The following CTNNA2 variants were observed in gnomAD, a reference collection of about 807,000 sequenced individuals.
CTNNA2 encodes the protein catenin alpha 2.
CTNNA2 carries 42 observed loss-of-function variants against 101.0 expected under a neutral mutation model. The ratio of observed to expected loss-of-function variants is 0.42; its 90% CI spans 0.32 to 0.54. The LOEUF (loss-of-function observed/expected upper bound fraction) is 0.54. Among genes scored for constraint, CTNNA2 ranks in the 20% least tolerant of loss-of-function variants. The pLI, the probability that CTNNA2 is intolerant of heterozygous loss-of-function variation, is 0.14. For missense variants in CTNNA2, 871 were observed against 1,223.1 expected (o/e 0.71, Z 4.29); for synonymous variants, 450 against 456.4 (o/e 0.99, Z 0.18).
rs552448938 is a variant in CTNNA2, at chr2:79,400,047, A to G, written c.-135+26034A>G. On this transcript the variant is annotated intron_variant, in intron 4 of 21. Coordinates refer to the CTNNA2 transcript ENST00000466387. Reference sequence around the variant, plus strand: ...TATACATTTTAGGGAGATATGAGACATCAATCAATATATGTAAGATGTACA... The same window carrying G: ...TATACATTTTAGGGAGATATGAGACGTCAATCAATATATGTAAGATGTACA... 5.9e-5 allele frequency among the ~76,000 whole-genome samples: 9 copies of G among 152,198 alleles called. No homozygotes were observed. In the East Asian group the frequency reaches 1.7e-3, roughly 29 times the overall value.
At chr2:80,079,092 G>T (rs577112974) in intron 7 of CTNNA2, among the ~76,000 whole-genome samples, 1 of 152,272 alleles carries the variant, frequency 6.6e-6, no homozygotes, top group Admixed American at 6.5e-5. Context: ...CTGGGACGCT[G>T]TGAGATGCTG....
intron 3 of CTNNA2, among the ~76,000 whole-genome samples, chr2:79,760,766 G>T (rs1247203195): frequency 2.0e-5 from 3 of 152,138 alleles, no homozygotes; most frequent in Non-Finnish European, 4.4e-5. Flanking sequence ...TGCATTTATT[G>T]TTTCTAAATT....
chr2:79,644,371 C>T (rs749532236), intron 1 of CTNNA2, among the ~76,000 whole-genome samples: 2 of 152,140 alleles, frequency 1.3e-5, no homozygotes, highest in Admixed American at 6.5e-5. Flanking sequence ...CATGTGATTA[C>T]ATTGGTTCTA....
chr2:80,203,923 C>A (rs1177309573), intron 7 of CTNNA2, among the ~76,000 whole-genome samples: 1 of 152,220 alleles, frequency 6.6e-6, no homozygotes, highest in Non-Finnish European at 1.5e-5. Flanking sequence ...AATCCCAATT[C>A]TTGACTTCTG....
chr2:79,979,236 A>G (rs1055589956), intron 7 of CTNNA2, among the ~76,000 whole-genome samples: 2 of 152,146 alleles, frequency 1.3e-5, no homozygotes, highest in African/African-American at 4.8e-5. Flanking sequence ...TTAAAAAACT[A>G]TCCAGGTGCA....
intron 7 of CTNNA2, among the ~76,000 whole-genome samples, chr2:80,081,209 G>A (rs866254292): frequency 1.3e-5 from 2 of 151,984 alleles, no homozygotes; most frequent in Non-Finnish European, 2.9e-5. Context: ...CTTCAGCTGC[G>A]TTTTTATTTA....
chr2:79,948,774 C>G (rs911092859), intron 7 of CTNNA2, among the ~76,000 whole-genome samples: 4 of 152,102 alleles, frequency 2.6e-5, no homozygotes, highest in African/African-American at 9.7e-5. Flanking sequence ...GGACACCATC[C>G]TGGCTAACAC....
chr2:80,194,495 T>G (rs534336088), intron 7 of CTNNA2, among the ~76,000 whole-genome samples: 29 of 90,786 alleles, frequency 3.2e-4, no homozygotes, highest in South Asian at 3.2e-3. Context: ...GATGTGATAG[T>G]TTTTTTTTTT....
chr2:79,745,201 C>A (rs560127487), intron 3 of CTNNA2, among the ~76,000 whole-genome samples: 1 of 152,034 alleles, frequency 6.6e-6, no homozygotes, highest in African/African-American at 2.4e-5. Context: ...GAGGCCAAGG[C>A]GGGTGGATTG....
intron 1 of CTNNA2, among the ~76,000 whole-genome samples, chr2:79,569,265 C>T (rs1266950035): frequency 6.6e-6 from 1 of 152,030 alleles, no homozygotes; most frequent in Admixed American, 6.6e-5. Flanking sequence ...TAGCTGTTCT[C>T]TCAGGGAGAG....
In CTNNA2 at chr2:80,250,691, C is replaced by T. The variant is rs149681930; in HGVS notation, c.1057-142520C>T. Among the ~76,000 whole-genome samples the T allele has an allele frequency of 2.6e-4, 40 of 152,234 alleles. No individual in the cohort carries two copies. In the East Asian group the frequency reaches 7.6e-3, roughly 29 times the overall value. On this transcript the variant is annotated intron_variant, in intron 7 of 18. Transcript: ENST00000402739. ...GATAATGAGCATGCAGGACACAGGGCTGTGGCTGAGGAGAAAATAAAAGGT... is the reference window on the plus strand; with the variant it reads ...GATAATGAGCATGCAGGACACAGGGTTGTGGCTGAGGAGAAAATAAAAGGT...
At chr2:79,949,711 G>C (rs541813544) in intron 7 of CTNNA2, among the ~76,000 whole-genome samples, 4 of 152,140 alleles carry the variant, frequency 2.6e-5, no homozygotes, top group Admixed American at 6.6e-5. Context: ...CCAGTAGTTC[G>C]AGGCTGTAGG....
At chr2:79,250,906 A>G (rs575298948) in intron 2 of CTNNA2, among the ~76,000 whole-genome samples, 1 of 152,234 alleles carries the variant, frequency 6.6e-6, no homozygotes, top group South Asian at 2.1e-4. Flanking sequence ...ATGTGTGTAG[A>G]CGTTGCTCCT....
At chr2:79,537,439 CTGCTAGGGTCTA>C (rs2103969664) in intron 1 of CTNNA2, among the ~76,000 whole-genome samples, 1 of 152,246 alleles carries the variant, frequency 6.6e-6, no homozygotes, top group East Asian at 1.9e-4. Flanking sequence ...TGTTCTTATG[CTGCTAGGGTCTA>C]TGCTTGGGGT....
chr2:79,404,653 A>G (rs754587154), intron 4 of CTNNA2, among the ~76,000 whole-genome samples: 7 of 152,076 alleles, frequency 4.6e-5, no homozygotes, highest in Non-Finnish European at 1.0e-4. Context: ...TTCAGGCCCC[A>G]CAATGGGCAT....
chr2:80,497,599 C>A (rs1477954454), intron 9 of CTNNA2, among the ~76,000 whole-genome samples: 5 of 152,138 alleles, frequency 3.3e-5, no homozygotes, highest in Admixed American at 3.3e-4. Flanking sequence ...TTCTACACAC[C>A]CTGCATAATG....
chr2:79,847,340 C>G (rs1384963362), intron 3 of CTNNA2, among the ~76,000 whole-genome samples: 1 of 151,652 alleles, frequency 6.6e-6, no homozygotes, highest in Non-Finnish European at 1.5e-5. Context: ...GTCAGGAGTT[C>G]GAGACCAGCT....
intron 3 of CTNNA2, among the ~76,000 whole-genome samples, chr2:79,856,411 T>C (rs915382856): frequency 6.6e-6 from 1 of 152,236 alleles, no homozygotes; most frequent in Admixed American, 6.5e-5. Context: ...CATGCTATCA[T>C]TGGCTTCATT....
chr2:79,830,823 A>G (rs1049963035), intron 3 of CTNNA2, among the ~76,000 whole-genome samples: 18 of 152,232 alleles, frequency 1.2e-4, no homozygotes, highest in African/African-American at 4.1e-4. Context: ...ATTAGCATAT[A>G]CTGACACTTC....
Sources: allele counts gnomAD v4.1 joint callset (sites outside exome capture counted in the v4.1 genomes callset), GRCh38; gene constraint gnomAD v4.1.1; transcripts MANE v1.5; gene names NCBI Gene and HGNC (gene_info 2026-07-23, HGNC 2026-07-21).